Variants in SIPA1L3 observed in about 807,000 individuals in gnomAD.
The protein encoded by SIPA1L3 is signal-induced proliferation-associated 1-like protein 3.
A neutral mutation model predicts 150.1 loss-of-function variants in SIPA1L3; 59 were observed. The observed-to-expected ratio is 0.39, with a 90% CI of 0.32 to 0.49. SIPA1L3 has a LOEUF of 0.49. SIPA1L3 is among the 20% of genes least tolerant of loss of function. The pLI is 0.86. For missense variants in SIPA1L3, 2,211 were observed against 2,489.5 expected (o/e 0.89, Z 2.38); for synonymous variants, 1,070 against 1,077.6 (o/e 0.99, Z 0.14).
At chr19:37,993,966 C>T (rs1425176050) in intron 1 of SIPA1L3, among the ~76,000 whole-genome samples, 1 of 152,258 alleles carries the variant, frequency 6.6e-6, no homozygotes, top group East Asian at 1.9e-4. Flanking sequence ...ACAATCATAG[C>T]TCACTGCAGC....
intron 12 of SIPA1L3, among the ~76,000 whole-genome samples, chr19:38,151,791 A>G (rs919868950): frequency 2.4e-4 from 37 of 152,018 alleles, no homozygotes; most frequent in African/African-American, 8.7e-4. Flanking sequence ...GGTGAAACCC[A>G]TCTCTACAAA....
chr19:37,945,607 G>A (rs182001873), intron 1 of SIPA1L3, among the ~76,000 whole-genome samples: 4 of 152,108 alleles, frequency 2.6e-5, no homozygotes, highest in Non-Finnish European at 4.4e-5. Context: ...TAGGTATGCC[G>A]TCCTGCAGAT....
chr19:37,998,149 CT>C (rs1263642587), intron 1 of SIPA1L3, among the ~76,000 whole-genome samples: 9 of 152,180 alleles, frequency 5.9e-5, no homozygotes, highest in Admixed American at 6.5e-5. Flanking sequence ...AGTAAATATT[CT>C]TTTGATGAGT....
intron 21 of SIPA1L3, 94 bp from the exon 22 acceptor site, chr19:38,206,003 A>G: frequency 2.9e-6 from 4 of 1,390,764 alleles, no homozygotes; most frequent in Non-Finnish European, 1.9e-6. Flanking sequence ...TCCAAAGCAC[A>G]GCCGGGCCAG....
chr19:38,168,762 T>C (rs765465146), intron 15 of SIPA1L3, among the ~76,000 whole-genome samples: 41 of 152,282 alleles, frequency 2.7e-4, no homozygotes, highest in Non-Finnish European at 3.4e-4. Context: ...GGCAATGAAA[T>C]GGGAGAGGAG....
At chr19:38,009,504 G>A (rs183380755) in intron 1 of SIPA1L3, among the ~76,000 whole-genome samples, 10 of 152,118 alleles carry the variant, frequency 6.6e-5, no homozygotes, top group African/African-American at 1.9e-4. Context: ...CAGTATTTCC[G>A]TTGTAATAAC....
At chr19:37,939,134 C>A in intron 1 of SIPA1L3, among the ~76,000 whole-genome samples, 1 of 152,134 alleles carries the variant, frequency 6.6e-6, no homozygotes, top group Non-Finnish European at 1.5e-5. Context: ...TTGAAACAGT[C>A]CTCAACTTCT....
chr19:38,088,646 C>A, intron 3 of SIPA1L3, 75 bp from the exon 4 acceptor site: 3 of 1,557,842 alleles, frequency 1.9e-6, no homozygotes, highest in Non-Finnish European at 2.6e-6. Context: ...GTCGCCCTGT[C>A]TGCAGGCCTG....
chr19:38,079,291 C>A (rs1969924076), intron 2 of SIPA1L3, among the ~76,000 whole-genome samples: 1 of 152,226 alleles, frequency 6.6e-6, no homozygotes, highest in South Asian at 2.1e-4. Context: ...CGAGATCGCG[C>A]CACTGTACTC....
chr19:37,913,213 C>T (rs1314785364), intron 1 of SIPA1L3, among the ~76,000 whole-genome samples: 1 of 152,084 alleles, frequency 6.6e-6, no homozygotes, highest in Non-Finnish European at 1.5e-5. Context: ...GCACATTAGG[C>T]TGTCATTAGC....
intron 1 of SIPA1L3, among the ~76,000 whole-genome samples, chr19:37,924,893 A>G (rs563861566): frequency 6.6e-6 from 1 of 151,678 alleles, no homozygotes; most frequent in South Asian, 2.1e-4. Context: ...TACTAAAAAT[A>G]CAAAAATTAG....
intron 1 of SIPA1L3, among the ~76,000 whole-genome samples, chr19:38,017,108 G>T (rs1968254203): frequency 6.6e-6 from 1 of 151,552 alleles, no homozygotes; most frequent in African/African-American, 2.4e-5. Flanking sequence ...TGTTGGCCAG[G>T]CTGGTCTTGA....
chr19:37,973,423 C>T (rs184182420), intron 1 of SIPA1L3, among the ~76,000 whole-genome samples: 77 of 149,364 alleles, frequency 5.2e-4, no homozygotes, highest in Admixed American at 2.0e-3. Context: ...TTAGTAGAGA[C>T]GGGGTTTCAC....
At position 38,166,661 on chromosome 19, in the gene SIPA1L3, C is replaced by T. The variant is rs537748829; in HGVS notation, c.4208+1755C>T. Among the ~76,000 whole-genome samples, 17 of 152,194 alleles carry T rather than the reference C, an allele frequency of 1.1e-4. 1 individual carries two copies. The highest frequency in any genetic ancestry group is 2.1e-4 in the Non-Finnish European group (14 of 68,012). ...GGTTCTGTGACCCCAGCAGGGCTTG[C>T]TGTGCTGTAGTGTCCAGTGCCAGCC... On this transcript the variant is annotated intron_variant, in intron 15 of 21. Transcript: ENST00000222345.
intron 1 of SIPA1L3, among the ~76,000 whole-genome samples, chr19:38,023,457 C>T (rs1271612228): frequency 6.6e-6 from 1 of 152,142 alleles, no homozygotes. Context: ...CCTAGATTTT[C>T]CCAAGGCAAA....
intron 20 of SIPA1L3, 95 bp downstream of exon 20, chr19:38,202,092 C>G (rs893679424): frequency 4.6e-6 from 6 of 1,298,236 alleles, no homozygotes; most frequent in African/African-American, 1.5e-5. Context: ...GTGGGTCACC[C>G]CCACCACTCT....
At chr19:38,072,084 A>C (rs1206099001) in intron 2 of SIPA1L3, among the ~76,000 whole-genome samples, 1 of 152,226 alleles carries the variant, frequency 6.6e-6, no homozygotes, top group Non-Finnish European at 1.5e-5. Flanking sequence ...TGTGATTGCA[A>C]GGAAGGCTGG....
intron 15 of SIPA1L3, among the ~76,000 whole-genome samples, chr19:38,182,196 G>A (rs8100641): frequency 6.6e-6 from 1 of 151,094 alleles, no homozygotes; most frequent in Non-Finnish European, 1.5e-5. Flanking sequence ...ATAGTTCCCT[G>A]TCGAGATGGG....
At chr19:38,167,231 C>CAAAAA (rs370193698) in intron 15 of SIPA1L3, among the ~76,000 whole-genome samples, 1 of 87,530 alleles carries the variant, frequency 1.1e-5, no homozygotes, top group South Asian at 4.4e-4. Flanking sequence ...GATTCCATCT[C>CAAAAA]AAAAAAAAAA....
Sources: gnomAD v4.1 joint callset for allele counts (sites outside exome capture counted in the v4.1 genomes callset) on GRCh38, gnomAD v4.1.1 for gene constraint, MANE v1.5 for transcripts, NCBI Gene and HGNC (gene_info 2026-07-23, HGNC 2026-07-21) for gene names.